The following CHRNE variants were observed in gnomAD, a reference collection of about 807,000 sequenced individuals.
The protein encoded by CHRNE is acetylcholine receptor subunit epsilon.
Under a neutral mutation model 56.5 loss-of-function variants are expected in CHRNE, and 58 were observed. The ratio of observed to expected loss-of-function variants is 1.03; its 90% CI spans 0.83 to 1.28. The LOEUF is 1.28. Ranked by LOEUF, CHRNE falls within the 50% of genes most tolerant of loss-of-function variation. The pLI is 0.00. For synonymous variants in CHRNE, 385 were observed against 297.9 expected, an observed-to-expected ratio of 1.29 and a Z score of -3.01; for missense variants, 793 against 688.9, an observed-to-expected ratio of 1.15 and a Z score of -1.69.
chr17:4,900,050 A>T (rs886769187), intron 8 of CHRNE: 6 of 1,550,096 alleles, frequency 3.9e-6, no homozygotes, highest in Non-Finnish European at 5.2e-6. Flanking sequence ...CGAACCGAAG[A>T]TGCAGGGGAT....
intron 10 of CHRNE, 43 bp from the exon 11 acceptor site, chr17:4,899,150 C>G (rs780782017): frequency 1.9e-6 from 3 of 1,596,316 alleles, no homozygotes; most frequent in Middle Eastern, 1.7e-4. Flanking sequence ...AGCCTCCCCC[C>G]TGGCAGGCAC....
chr17:4,901,887 C>CCA, intron 5 of CHRNE, 45 bp downstream of exon 5: 1 of 1,593,444 alleles, frequency 6.3e-7, no homozygotes, highest in Non-Finnish European at 8.6e-7. Flanking sequence ...CCATAAGGCC[C>CCA]CCCCCCAACA....
Position 4,897,932 on chromosome 17 carries a change from C to G in CHRNE, c.*804G>C, listed in dbSNP as rs1053818311. 6.6e-6 allele frequency: 1 copy of G among 152,448 alleles called. No individual in the cohort carries two copies. The highest frequency in any genetic ancestry group is 1.5e-5 in the Non-Finnish European group (1 of 68,360). The allele number at this position is 152,448 out of a possible 1,614,324, so 9.4% of individuals were successfully genotyped here. A position where few individuals can be genotyped will look rare whatever the true frequency, so the allele number is the denominator to read the frequency against. ...GGGAGCAGGGAGCCCTCACTCTCCA[C>G]GCCCCTTGCTTGCATCTGTATATAG... On this transcript the variant is annotated 3_prime_UTR_variant, in exon 12 of 12. Coordinates refer to ENST00000649488, the MANE Select transcript of CHRNE (RefSeq NM_000080.4).
At chr17:4,899,899 C>G in intron 8 of CHRNE, 2 of 1,549,114 alleles carry the variant, frequency 1.3e-6, no homozygotes, top group Non-Finnish European at 1.7e-6. Context: ...CCCTGTGACC[C>G]CTGCCCTGCT....
chr17:4,903,646 G>A (rs1034497931), upstream of CHRNE, among the ~76,000 whole-genome samples: 3 of 152,126 alleles, frequency 2.0e-5, no homozygotes, highest in African/African-American at 4.8e-5. Context: ...AGGAGATCAT[G>A]TAAAGGACCC....
chr17:4,899,904 C>G, intron 8 of CHRNE: 1 of 1,549,274 alleles, frequency 6.5e-7, no homozygotes, highest in Non-Finnish European at 8.7e-7. Context: ...TGACCCCTGC[C>G]CTGCTACTCT....
At chr17:4,904,003 G>T (rs139853023), upstream of CHRNE, among the ~76,000 whole-genome samples, 1 of 152,016 alleles carries the variant, frequency 6.6e-6, no homozygotes, top group Non-Finnish European at 1.5e-5. Flanking sequence ...GACTACAGGC[G>T]CATGCCACCA....
chr17:4,902,864 G>T lies in CHRNE; in HGVS notation c.47-101C>A. The T allele has an allele frequency of 6.3e-7, 1 of 1,583,200 alleles. No homozygotes were observed. The highest frequency in any genetic ancestry group is 1.3e-5 in the African/African-American group (1 of 74,322). On this transcript the variant is annotated intron_variant, in intron 1 of 11. Transcript: ENST00000649488. This position sits in a 1 kb window ranked among gnomAD's most constrained non-coding sequence, Gnocchi z 4.0. Reference sequence around the variant, plus strand: ...GGTCCTCACAGGCCTCTGAGGCTGTGTACTATCAGTATCTGTCTCCTAAAC... The same window carrying T: ...GGTCCTCACAGGCCTCTGAGGCTGTTTACTATCAGTATCTGTCTCCTAAAC...
upstream of CHRNE, among the ~76,000 whole-genome samples, chr17:4,906,168 T>C (rs1290641197): frequency 6.6e-6 from 1 of 152,224 alleles, no homozygotes; most frequent in African/African-American, 2.4e-5. Context: ...CCGTTGCTAC[T>C]GCCTGATGCT....
In CHRNE at chr17:4,898,542, T is replaced by G. The variant is rs1475893912; in HGVS notation, c.*194A>C. 1 of 701,774 alleles carries G rather than the reference T, an allele frequency of 1.4e-6. No individual in the cohort carries two copies. Among genetic ancestry groups the G allele is most frequent in the Admixed American group, 2.4e-5 (1 of 41,502 alleles). The allele number at this position is 701,774 out of a possible 1,614,324, so 43.5% of individuals were successfully genotyped here. A position where few individuals can be genotyped will look rare whatever the true frequency, so the allele number is the denominator to read the frequency against. Reference sequence around the variant, plus strand: ...GGCACCTGAGAGCCTATGTGAACCCTTTCCTCCTGCTGACCCCTGGACTGC... The same window carrying G: ...GGCACCTGAGAGCCTATGTGAACCCGTTCCTCCTGCTGACCCCTGGACTGC... On this transcript the variant is annotated 3_prime_UTR_variant, in exon 12 of 12. Coordinates refer to ENST00000649488, the MANE Select transcript of CHRNE (RefSeq NM_000080.4).
In CHRNE at chr17:4,902,398, G is replaced by A. The variant is rs368157217; in HGVS notation, c.234+52C>T. On this transcript the variant is annotated intron_variant, in intron 3 of 11. Coordinates refer to ENST00000649488, the MANE Select transcript of CHRNE (RefSeq NM_000080.4). The surrounding 1 kb of genome is among the most constrained non-coding windows in gnomAD (Gnocchi z 4.0). Reference sequence around the variant, plus strand: ...GGCGCTGCCTGGGAGGGGTTTGGGGGAAAAGGGGTGCCCTGGACAAGACCT... The same window carrying A: ...GGCGCTGCCTGGGAGGGGTTTGGGGAAAAAGGGGTGCCCTGGACAAGACCT... 7.2e-4 allele frequency: 1,156 copies of A among 1,613,798 alleles called. No homozygotes were observed. The highest frequency in any genetic ancestry group is 9.2e-4 in the Non-Finnish European group (1,089 of 1,179,794).
Position 4,902,377 on chromosome 17 carries a change from C to T in CHRNE, c.235-51G>A, listed in dbSNP as rs775453381. The stretch of plus-strand genomic sequence containing the variant: ...CGTGCCCTGCATCTCCCACCTGGCG[C>T]TGCCTGGGAGGGGTTTGGGGGAAAA... On this transcript the variant is annotated intron_variant, in intron 3 of 11. Coordinates refer to ENST00000649488, the MANE Select transcript of CHRNE (RefSeq NM_000080.4). The surrounding 1 kb of genome is among the most constrained non-coding windows in gnomAD (Gnocchi z 4.0). 1 of 1,613,252 alleles carries T rather than the reference C, an allele frequency of 6.2e-7. No individual in the cohort carries two copies. The highest frequency in any genetic ancestry group is 8.5e-7 in the Non-Finnish European group (1 of 1,179,260).
At position 4,899,175 on chromosome 17, in the gene CHRNE, C is replaced by T. The variant is rs764196413; in HGVS notation, c.1219+23G>A. The stretch of plus-strand genomic sequence containing the variant: ...CTGGCAGGCACCCCGCGCGGCCCCC[C>T]GGGCCAGGGCCACTGTGCTCACCCG... On this transcript the variant is annotated intron_variant, in intron 10 of 11. Transcript: ENST00000649488. 1.0e-5 allele frequency: 16 copies of T among 1,594,978 alleles called. No homozygotes were observed. Among genetic ancestry groups the T allele is most frequent in the South Asian group, 5.6e-5 (5 of 88,982 alleles).
Position 4,899,425 on chromosome 17 carries a change from A to AGCCCCACCCCGACCCGGGCT in CHRNE, c.1032+23_1032+42dup, listed in dbSNP as rs755351598. ...GGCTTAGGGGACGAGGTTAGTACGA[A>AGCCCCACCCCGACCCGGGCT]GCCCCACCCCGACCCGGGCTGCACC... On this transcript the variant is annotated intron_variant, in intron 9 of 11. Transcript: ENST00000649488. 180 of 1,548,184 alleles carry AGCCCCACCCCGACCCGGGCT rather than the reference A, an allele frequency of 1.2e-4. No homozygotes were observed. In the African/African-American group the frequency reaches 2.2e-3, roughly 19 times the overall value.
intron 8 of CHRNE, 192 bp downstream of exon 8, chr17:4,900,601 C>A (rs1365715180): frequency 6.5e-7 from 1 of 1,535,758 alleles, no homozygotes; most frequent in African/African-American, 1.4e-5. Flanking sequence ...ACTCGGGAGA[C>A]CTCCAGGTGA....
rs1407275489 is a variant in CHRNE, at chr17:4,897,792, A to AT, written c.*943dup. ...TTCATTTTCTGAAAGCACTTTAATG[A>AT]TTCCCCTTCCCCCAAACTCCAGGGA... On this transcript the variant is annotated 3_prime_UTR_variant, in exon 12 of 12. Coordinates refer to ENST00000649488, the MANE Select transcript of CHRNE (RefSeq NM_000080.4). The AT allele has an allele frequency of 6.6e-6, 1 of 152,552 alleles. No homozygotes were observed. Among genetic ancestry groups the AT allele is most frequent in the Non-Finnish European group, 1.5e-5 (1 of 68,200 alleles). 9.4% of individuals were successfully genotyped at this position (152,552 alleles called of 1,614,324 possible). A position where few individuals can be genotyped will look rare whatever the true frequency, so the allele number is the denominator to read the frequency against.
In CHRNE at chr17:4,900,810, G is replaced by A. The variant is rs747224472; in HGVS notation, c.900C>T (p.Ser300=). ...IAQKIPETSL[S]VPLLGRFLIF... ...GGCTTCACCTGCCCAGGAGCGGCAC[G>A]CTCAGAGAAGTCTCTGGGATTTTCT... is the stretch of plus-strand genomic sequence containing the variant. The change falls in exon 8 of 12, where the codon AGC becomes AGT. Residue 300 remains serine (S), a synonymous_variant. Coordinates refer to ENST00000649488, the MANE Select transcript of CHRNE (RefSeq NM_000080.4). 8.1e-6 allele frequency: 13 copies of A among 1,613,830 alleles called. 1 individual carries two copies. Among genetic ancestry groups the A allele is most frequent in the South Asian group, 3.3e-5 (3 of 91,072 alleles).
upstream of CHRNE, chr17:4,903,148 G>T (rs1970041710): frequency 2.1e-6 from 3 of 1,397,194 alleles, no homozygotes; most frequent in African/African-American, 1.4e-5. Context: ...GGGGAGGAGG[G>T]TGTTAGTTCC....
chr17:4,905,706 C>G (rs1597625327), upstream of CHRNE, among the ~76,000 whole-genome samples: 1 of 151,846 alleles, frequency 6.6e-6, no homozygotes, highest in East Asian at 1.9e-4. Flanking sequence ...ACTAAAAACA[C>G]AAAAATTAGC....
Sources: gnomAD v4.1 joint callset for allele counts (sites outside exome capture counted in the v4.1 genomes callset) on GRCh38, gnomAD v4.1.1 for gene constraint, Gnocchi (gnomAD v3.1) non-coding constraint, MANE v1.5 for transcripts, NCBI Gene and HGNC (gene_info 2026-07-23, HGNC 2026-07-21) for gene names.